Variants in LEKR1 observed in about 807,000 individuals in gnomAD.
LEKR1 encodes the protein protein LEKR1.
Under a neutral mutation model 72.4 loss-of-function variants are expected in LEKR1, and 59 were observed. The ratio of observed to expected loss-of-function variants is 0.82; its 90% confidence interval spans 0.66 to 1.01. LEKR1 has a LOEUF of 1.01. Ranked by LOEUF, LEKR1 falls within the 50% of genes least tolerant of loss-of-function variation. The probability of loss-of-function intolerance (pLI) is 0.00; values close to 1 mark genes in which losing one functional copy is unlikely to be tolerated. For synonymous variants in LEKR1, 257 were observed against 263.2 expected, an observed-to-expected ratio of 0.98 and a Z score of 0.23; for missense variants, 728 against 759.2, an observed-to-expected ratio of 0.96 and a Z score of 0.48.
chr3:157,005,300 G>T (rs75562104), intron 9 of LEKR1, among the ~76,000 whole-genome samples: 1 of 152,152 alleles, frequency 6.6e-6, no homozygotes, highest in Non-Finnish European at 1.5e-5. Context: ...TAAAGAAATT[G>T]AATTTGTAAT....
At chr3:156,905,722 C>A (rs192771079) in intron 3 of LEKR1, among the ~76,000 whole-genome samples, 3 of 152,254 alleles carry the variant, frequency 2.0e-5, no homozygotes, top group Non-Finnish European at 2.9e-5. Context: ...CCATTCCCTG[C>A]TTCCTTAAAA....
intron 3 of LEKR1, among the ~76,000 whole-genome samples, chr3:156,871,466 A>G (rs1717947646): frequency 6.6e-6 from 1 of 152,190 alleles, no homozygotes; most frequent in African/African-American, 2.4e-5. Context: ...CTTTGGGTAT[A>G]TACCCAGTAA....
intron 3 of LEKR1, among the ~76,000 whole-genome samples, chr3:156,895,590 G>T (rs764337820): frequency 2.6e-5 from 4 of 151,776 alleles, no homozygotes; most frequent in Non-Finnish European, 5.9e-5. Context: ...CAGCCTGGAC[G>T]ACAGAGGGAG....
intron 3 of LEKR1, among the ~76,000 whole-genome samples, chr3:156,883,610 C>A (rs1209611198): frequency 1.3e-5 from 2 of 152,126 alleles, no homozygotes; most frequent in African/African-American, 2.4e-5. Context: ...TAGTTTCCCC[C>A]ATACTGTTCT....
At chr3:157,002,352 C>A (rs747953510) in intron 9 of LEKR1, among the ~76,000 whole-genome samples, 2 of 151,972 alleles carry the variant, frequency 1.3e-5, no homozygotes, top group Non-Finnish European at 2.9e-5. Context: ...TTTTTCAACA[C>A]AAGATTGTTT....
chr3:156,938,655 TGA>T (rs1725934584), intron 5 of LEKR1, among the ~76,000 whole-genome samples: 1 of 152,232 alleles, frequency 6.6e-6, no homozygotes, highest in African/African-American at 2.4e-5. Flanking sequence ...ATTACAGGCG[TGA>T]GCCACCGCAC....
chr3:156,842,023 A>G (rs1713979421), intron 2 of LEKR1, among the ~76,000 whole-genome samples: 1 of 152,174 alleles, frequency 6.6e-6, no homozygotes, highest in African/African-American at 2.4e-5. Flanking sequence ...CAAGGGTTCT[A>G]GGTTGTGTGC....
At chr3:156,900,818 T>C (rs184709789) in intron 3 of LEKR1, among the ~76,000 whole-genome samples, 3 of 152,334 alleles carry the variant, frequency 2.0e-5, no homozygotes, top group Non-Finnish European at 4.4e-5. Context: ...TACAGTTTTT[T>C]TGTGTTTTTA....
chr3:156,963,663 C>T (rs1728314121), intron 6 of LEKR1, among the ~76,000 whole-genome samples: 1 of 152,156 alleles, frequency 6.6e-6, no homozygotes, highest in African/African-American at 2.4e-5. Context: ...CTGACATTCA[C>T]ATACCACTTG....
intron 9 of LEKR1, among the ~76,000 whole-genome samples, chr3:157,003,766 C>G (rs1732197639): frequency 3.3e-5 from 5 of 152,162 alleles, no homozygotes; most frequent in Admixed American, 3.3e-4. Context: ...ATTATTCAGC[C>G]TATCAAACTG....
intron 6 of LEKR1, among the ~76,000 whole-genome samples, chr3:156,955,320 A>G (rs189835244): frequency 2.0e-4 from 31 of 152,064 alleles, no homozygotes; most frequent in African/African-American, 7.0e-4. Flanking sequence ...TTATTTTCCT[A>G]TTTGGATATC....
At chr3:156,879,000 C>T (rs932429578) in intron 3 of LEKR1, among the ~76,000 whole-genome samples, 14 of 152,052 alleles carry the variant, frequency 9.2e-5, no homozygotes, top group Non-Finnish European at 1.3e-4. Context: ...TATACAGTCT[C>T]GGGTATGTCT....
intron 3 of LEKR1, among the ~76,000 whole-genome samples, chr3:156,909,196 C>T (rs1722862512): frequency 6.6e-6 from 1 of 152,144 alleles, no homozygotes; most frequent in African/African-American, 2.4e-5. Context: ...GTCAATTAAA[C>T]CTCTTTCTTT....
chr3:156,943,253 A>G (rs1253998846), intron 6 of LEKR1, among the ~76,000 whole-genome samples: 3 of 151,940 alleles, frequency 2.0e-5, no homozygotes, highest in East Asian at 1.9e-4. Flanking sequence ...AGACAAATTA[A>G]TCTGTTAGTA....
intron 2 of LEKR1, among the ~76,000 whole-genome samples, chr3:156,839,242 G>A (rs1347475835): frequency 6.6e-6 from 1 of 152,218 alleles, no homozygotes; most frequent in Non-Finnish European, 1.5e-5. Context: ...CTTGGACAAG[G>A]AGATTGCTTT....
intron 3 of LEKR1, among the ~76,000 whole-genome samples, chr3:156,895,997 G>T (rs1356076457): frequency 1.3e-5 from 2 of 152,314 alleles, no homozygotes; most frequent in East Asian, 3.9e-4. Flanking sequence ...AGAAAATGTG[G>T]TGCACGTACA....
chr3:156,854,268 C>T (rs1456271920), intron 3 of LEKR1, among the ~76,000 whole-genome samples: 1 of 150,830 alleles, frequency 6.6e-6, no homozygotes, highest in East Asian at 2.0e-4. Context: ...GTCAGCCTCA[C>T]AAGTAGCTGG....
At chr3:156,869,304 A>G (rs1576698546) in intron 3 of LEKR1, among the ~76,000 whole-genome samples, 1 of 152,076 alleles carries the variant, frequency 6.6e-6, no homozygotes, top group Admixed American at 6.6e-5. Flanking sequence ...GTACTAATTT[A>G]CATTCCTATC....
intron 7 of LEKR1, among the ~76,000 whole-genome samples, chr3:156,987,275 C>T (rs940208863): frequency 6.6e-6 from 1 of 152,032 alleles, no homozygotes; most frequent in Admixed American, 6.6e-5. Flanking sequence ...CAAAGGTAGA[C>T]CATAAAAAGA....
Sources: allele counts gnomAD v4.1 joint callset (sites outside exome capture counted in the v4.1 genomes callset), GRCh38; gene constraint gnomAD v4.1.1; transcripts MANE v1.5; gene names NCBI Gene and HGNC (gene_info 2026-07-23, HGNC 2026-07-21).